The following MAGEB10 variants were observed in gnomAD, a reference collection of about 807,000 sequenced individuals.
MAGEB10 encodes the protein melanoma-associated antigen B10.
For synonymous variants in MAGEB10, 99 were observed against 101.0 expected (o/e 0.98, Z 0.12); for missense variants, 190 against 261.9 (o/e 0.73, Z 1.89).
At chrX:27,811,591 A>G (rs904611186) in intron 1 of MAGEB10, among the ~76,000 whole-genome samples, 4 of 112,121 alleles carry the variant, frequency 3.6e-5, no homozygotes, top group Admixed American at 1.9e-4. Flanking sequence ...GAAGCTCCAT[A>G]GAGTCTGGAC....
At chrX:27,817,075 T>A (rs1923796066) in intron 1 of MAGEB10, among the ~76,000 whole-genome samples, 1 of 108,893 alleles carries the variant, frequency 9.2e-6, no homozygotes, top group South Asian at 4.0e-4. Context: ...CATGCTGAGA[T>A]ATGGAGCCAC....
chrX:27,821,883 A>G lies in MAGEB10; in HGVS notation c.577A>G (p.Ser193Gly), dbSNP rs1300754291. The G allele has an allele frequency of 1.7e-6, 2 of 1,209,941 alleles. No individual in the cohort carries two copies. The highest frequency in any genetic ancestry group is 3.0e-5 in the East Asian group (1 of 33,755). Reference sequence around the variant, plus strand: ...AGATCTAGGCTGTGATGCAAAGCTGAGTGATGAAACAGGCGTGCCCAAGAC... The same window carrying G: ...AGATCTAGGCTGTGATGCAAAGCTGGGTGATGAAACAGGCGTGCCCAAGAC... ...KLDLGCDAKL[S>G]DETGVPKTGL... Residue 193 changes from serine (S) to glycine (G), a missense_variant, in exon 3 of 3, where the codon AGT becomes GGT. Ser to Gly is a moderately conservative substitution (Grantham distance 56, BLOSUM62 0). Transcript: ENST00000356790.
intron 2 of MAGEB10, among the ~76,000 whole-genome samples, chrX:27,819,998 C>G (rs1289859544): frequency 9.0e-6 from 1 of 110,950 alleles, no homozygotes; most frequent in East Asian, 2.9e-4. Context: ...AAAAAAAAAC[C>G]TCTTATATAG....
chrX:27,819,127 T>C (rs1923837024), intron 2 of MAGEB10, among the ~76,000 whole-genome samples: 1 of 111,194 alleles, frequency 9.0e-6, no homozygotes. Flanking sequence ...CTTCACCCTC[T>C]GTAGTCCAGG....
In MAGEB10 at chrX:27,821,358, G is replaced by T. The variant is rs769430072; in HGVS notation, c.52G>T (p.Ala18Ser). 4.1e-6 allele frequency: 5 copies of T among 1,211,746 alleles called. No homozygotes were observed. Among genetic ancestry groups the T allele is most frequent in the Non-Finnish European group, 5.6e-6 (5 of 895,450 alleles). ...CCGTGCCAGGGAAAAACGCCGTCAG[G>T]CCCGAGGAGGGCTGGAAGATTTGAT... ...KLRAREKRRQARGGLEDLIDA... is the reference protein window; with the variant it reads ...KLRAREKRRQSRGGLEDLIDA... Residue 18 changes from alanine to serine, a missense_variant, in exon 3 of 3, where the codon GCC becomes TCC. Coordinates refer to ENST00000356790, the MANE Select transcript of MAGEB10 (RefSeq NM_182506.3).
Position 27,818,959 on chromosome X carries a change from A to C in MAGEB10, c.-50+1257A>C, listed in dbSNP as rs1431321132. 3.6e-5 allele frequency among the ~76,000 whole-genome samples: 4 copies of C among 111,387 alleles called. 1 individual carries two copies. In the South Asian group the frequency reaches 1.5e-3, roughly 43 times the overall value. On this transcript the variant is annotated intron_variant, in intron 2 of 2. Coordinates refer to ENST00000356790, the MANE Select transcript of MAGEB10 (RefSeq NM_182506.3). ...CCGGGTGTCATTCTCAGATCCACAG[A>C]GGGAGGAGTCCCAGTCTCTAAAAGG...
At chrX:27,810,749 T>A (rs1219404834) in intron 1 of MAGEB10, among the ~76,000 whole-genome samples, 1 of 106,304 alleles carries the variant, frequency 9.4e-6, no homozygotes, top group Non-Finnish European at 1.9e-5. Context: ...AGAGTACCAC[T>A]ACTATGAGCC....
chrX:27,810,829 G>A (rs749510764), intron 1 of MAGEB10, among the ~76,000 whole-genome samples: 5 of 110,926 alleles, frequency 4.5e-5, no homozygotes, highest in Non-Finnish European at 7.5e-5. Context: ...ACAGGGTGAT[G>A]AGGACATAGA....
rs768921893 is a variant in MAGEB10, at chrX:27,821,617, A to G, written c.311A>G (p.Asp104Gly). The G allele has an allele frequency of 1.7e-6, 2 of 1,211,329 alleles. No individual in the cohort carries two copies. The highest frequency in any genetic ancestry group is 3.5e-5 in the South Asian group (2 of 56,893). Residue 104 changes from aspartate (D) to glycine (G), a missense_variant, in exon 3 of 3, where the codon GAT (aspartate) becomes GGT (glycine). Physicochemically the swap from Asp to Gly is moderately conservative, Grantham distance 94. Coordinates refer to ENST00000356790, the MANE Select transcript of MAGEB10 (RefSeq NM_182506.3). ...PICTQDLEAT[D>G]SFPRGPVDEK... Reference sequence around the variant, plus strand: ...TGCACACAAGATCTAGAAGCCACTGATAGCTTTCCCAGAGGCCCTGTAGAT... The same window carrying G: ...TGCACACAAGATCTAGAAGCCACTGGTAGCTTTCCCAGAGGCCCTGTAGAT...
At chrX:27,810,581 G>A (rs1258130621) in intron 1 of MAGEB10, among the ~76,000 whole-genome samples, 2 of 111,223 alleles carry the variant, frequency 1.8e-5, no homozygotes, top group Non-Finnish European at 3.8e-5. Context: ...GTGACCCCTC[G>A]CTTCATATTC....
intron 1 of MAGEB10, among the ~76,000 whole-genome samples, chrX:27,815,003 G>T (rs928924016): frequency 2.3e-4 from 26 of 111,990 alleles, no homozygotes; most frequent in African/African-American, 8.4e-4. Context: ...GACTGCCCGT[G>T]GGCCTCATTT....
At chrX:27,808,311 C>T (rs919686964) in intron 1 of MAGEB10, among the ~76,000 whole-genome samples, 9 of 111,507 alleles carry the variant, frequency 8.1e-5, no homozygotes, top group African/African-American at 2.9e-4. Context: ...GAATTAGGAG[C>T]GAAAACATGG....
intron 1 of MAGEB10, among the ~76,000 whole-genome samples, chrX:27,814,864 CTT>C (rs1000387714): frequency 1.8e-5 from 2 of 112,310 alleles, no homozygotes; most frequent in Non-Finnish European, 3.8e-5. Context: ...ACATGTCTGT[CTT>C]TTAATTCATT....
At chrX:27,820,714 C>T (rs368751872) in intron 2 of MAGEB10, among the ~76,000 whole-genome samples, 5 of 111,003 alleles carry the variant, frequency 4.5e-5, no homozygotes, top group Non-Finnish European at 7.6e-5. Flanking sequence ...AGGGTGAAGT[C>T]CCAGGGCCTA....
At chrX:27,817,034 A>G (rs896568069) in intron 1 of MAGEB10, among the ~76,000 whole-genome samples, 1 of 109,391 alleles carries the variant, frequency 9.1e-6, no homozygotes, top group African/African-American at 3.3e-5. Flanking sequence ...AGTGTTTGAG[A>G]GCCAGTCTGC....
At chrX:27,809,444 A>C (rs1484045070) in intron 1 of MAGEB10, among the ~76,000 whole-genome samples, 4 of 3,077 alleles carry the variant, frequency 1.3e-3, no homozygotes, top group South Asian at 0.038. Flanking sequence ...GCCCCCCCCA[A>C]CCCCGCCCGC....
intron 1 of MAGEB10, among the ~76,000 whole-genome samples, 167 bp downstream of exon 1, chrX:27,808,203 G>A (rs1340637528): frequency 1.8e-5 from 2 of 112,251 alleles, no homozygotes; most frequent in Non-Finnish European, 3.8e-5. Context: ...GATAGCATTG[G>A]GCTAAGGTGC....
At chrX:27,819,248 C>T (rs1388637519) in intron 2 of MAGEB10, among the ~76,000 whole-genome samples, 2 of 109,993 alleles carry the variant, frequency 1.8e-5, no homozygotes, top group Non-Finnish European at 3.8e-5. Context: ...AATGAAAGAC[C>T]CCTATGCAAC....
chrX:27,819,415 T>C (rs1004401860), intron 2 of MAGEB10, among the ~76,000 whole-genome samples: 1 of 111,849 alleles, frequency 8.9e-6, no homozygotes, highest in Non-Finnish European at 1.9e-5. Context: ...GGCATTAGTC[T>C]GAGCAGGGTA....
Sources: allele counts gnomAD v4.1 joint callset (sites outside exome capture counted in the v4.1 genomes callset), GRCh38; gene constraint gnomAD v4.1.1; transcripts MANE v1.5; gene names NCBI Gene and HGNC (gene_info 2026-07-23, HGNC 2026-07-21).